Variants in KLF3 observed in about 807,000 individuals in gnomAD.
The protein encoded by KLF3 is Krueppel-like factor 3.
In KLF3, 6 loss-of-function variants were observed where a neutral mutation model predicts 32.7. The observed-to-expected ratio is 0.18, with a 90% CI of 0.10 to 0.36. The LOEUF is 0.36. KLF3 is among the 10% of genes least tolerant of loss of function. The probability of loss-of-function intolerance (pLI) is 1.00; values close to 1 mark genes in which losing one functional copy is unlikely to be tolerated. For synonymous variants in KLF3, 145 were observed against 172.8 expected (o/e 0.84, Z 1.26); for missense variants, 338 against 449.7 (o/e 0.75, Z 2.25).
At chr4:38,667,979 C>A (rs1722092968) in intron 1 of KLF3, among the ~76,000 whole-genome samples, 1 of 152,006 alleles carries the variant, frequency 6.6e-6, no homozygotes, top group South Asian at 2.1e-4. Context: ...GTTTTAAGGA[C>A]AAAGATTTCA....
At chr4:38,690,492 T>C (rs1238046675) in intron 4 of KLF3, 1 of 152,292 alleles carries the variant, frequency 6.6e-6, no homozygotes, top group Non-Finnish European at 1.5e-5. Flanking sequence ...TTGTAGTTGC[T>C]AAGAAGATGG....
intron 1 of KLF3, among the ~76,000 whole-genome samples, chr4:38,673,509 T>C (rs1722259072): frequency 6.6e-6 from 1 of 152,226 alleles, no homozygotes; most frequent in South Asian, 2.1e-4. Flanking sequence ...CAATTTATCT[T>C]GGGTTGCCTG....
At chr4:38,680,736 A>G (rs1247574604) in intron 2 of KLF3, 54 bp downstream of exon 2, 18 of 1,325,224 alleles carry the variant, frequency 1.4e-5, no homozygotes, top group Non-Finnish European at 1.9e-5. Flanking sequence ...TGATGATAAC[A>G]TTATTGTGTG....
chr4:38,691,391 GA>G (rs975333597), intron 4 of KLF3, among the ~76,000 whole-genome samples: 1 of 152,172 alleles, frequency 6.6e-6, no homozygotes, highest in African/African-American at 2.4e-5. Flanking sequence ...TATGTTGAGG[GA>G]TGTTTCTGGC....
Position 38,688,923 on chromosome 4 carries a change from G to A in KLF3, c.396G>A (p.Ser132=), listed in dbSNP as rs147620606. 3.5e-5 allele frequency: 56 copies of A among 1,614,082 alleles called. No individual in the cohort carries two copies. Among genetic ancestry groups the A allele is most frequent in the African/African-American group, 8.0e-5 (6 of 74,924 alleles). The change falls in exon 3 of 6, where the codon TCG becomes TCA. Residue 132 remains serine (S), a synonymous_variant. Transcript: ENST00000261438. The surrounding 1 kb of genome is among the most constrained non-coding windows in gnomAD (Gnocchi z 4.9). ...SMPPVMAAAL[S]RHGIRSPGIL... ...CACCAGTGATGGCAGCTGCCCTCTC[G>A]CGGCATGGAATACGGAGCCCGGGGA...
At chr4:38,683,561 T>G (rs1367759705) in intron 2 of KLF3, among the ~76,000 whole-genome samples, 1 of 151,578 alleles carries the variant, frequency 6.6e-6, no homozygotes, top group Non-Finnish European at 1.5e-5. Flanking sequence ...CTCCCCGAGC[T>G]TCTGTTTTTT....
rs1723115114 is a variant in KLF3, at chr4:38,698,529, T to C, written c.*1266T>C. The C allele has an allele frequency of 1.3e-5, 2 of 152,646 alleles. No individual in the cohort carries two copies. The highest frequency in any genetic ancestry group is 1.3e-4 in the Admixed American group (2 of 15,288). The allele number at this position is 152,646 out of a possible 1,614,324, so 9.5% of individuals were successfully genotyped here. ...AACTAGTTGTGAAGCACACATACCTTTATTTTGGGAATTTATGAGAAAATA... is the reference window on the plus strand; with the variant it reads ...AACTAGTTGTGAAGCACACATACCTCTATTTTGGGAATTTATGAGAAAATA... On this transcript the variant is annotated 3_prime_UTR_variant, in exon 6 of 6. Coordinates refer to ENST00000261438, the MANE Select transcript of KLF3 (RefSeq NM_016531.6).
chr4:38,677,298 G>T (rs947657762), intron 1 of KLF3, among the ~76,000 whole-genome samples: 1 of 152,108 alleles, frequency 6.6e-6, no homozygotes. Context: ...TTTCTCTTAG[G>T]ATTACAAGTC....
chr4:38,686,238 A>G (rs1270966034), intron 2 of KLF3, among the ~76,000 whole-genome samples: 1 of 152,108 alleles, frequency 6.6e-6, no homozygotes, highest in Non-Finnish European at 1.5e-5. Context: ...TGAGCCCAAG[A>G]GTACGAGACC....
chr4:38,686,605 C>G lies in KLF3; in HGVS notation c.58-1980C>G, dbSNP rs532824383. Among the ~76,000 whole-genome samples the G allele has an allele frequency of 1.9e-3, 295 of 152,176 alleles. 2 individuals carry two copies. The highest frequency in any genetic ancestry group is 3.7e-3 in the African/African-American group (153 of 41,494). On this transcript the variant is annotated intron_variant, in intron 2 of 5. Coordinates refer to ENST00000261438, the MANE Select transcript of KLF3 (RefSeq NM_016531.6). ...CGGTAATTCAAAATTTGCATTTTAA[C>G]GAGTGCTCCAGGGAGATGGATGTGC...
rs147925268 is a variant in KLF3, at chr4:38,686,551, G to C, written c.58-2034G>C. On this transcript the variant is annotated intron_variant, in intron 2 of 5. Transcript: ENST00000261438. ...TCATTTAGAGCATTGCTATTCAAAA[G>C]GTAGCCTAAGTTCCCTTGGTCCACT... Among the ~76,000 whole-genome samples the C allele has an allele frequency of 8.6e-3, 1,312 of 151,690 alleles. 8 individuals are homozygous for C. The highest frequency in any genetic ancestry group is 0.027 in the South Asian group (128 of 4,784).
At chr4:38,677,708 A>T (rs337616) in intron 1 of KLF3, among the ~76,000 whole-genome samples, 131,607 of 152,242 alleles carry the variant, frequency 0.86, 57,496 homozygotes, top group African/African-American at 0.97. Context: ...GAATCTAGTC[A>T]GAGTTTTATT....
At chr4:38,693,095 T>C (rs1722926217) in intron 4 of KLF3, among the ~76,000 whole-genome samples, 1 of 112,214 alleles carries the variant, frequency 8.9e-6, no homozygotes, top group African/African-American at 3.2e-5. Context: ...TATACACGTA[T>C]ATATATATGT....
chr4:38,686,932 C>T (rs1722720547), intron 2 of KLF3, among the ~76,000 whole-genome samples: 1 of 152,160 alleles, frequency 6.6e-6, no homozygotes, highest in Non-Finnish European at 1.5e-5. Context: ...AATGCATAAC[C>T]AGCCGAGGAT....
At chr4:38,686,453 A>AG (rs1560417780) in intron 2 of KLF3, among the ~76,000 whole-genome samples, 1 of 150,956 alleles carries the variant, frequency 6.6e-6, no homozygotes, top group Non-Finnish European at 1.5e-5. Context: ...CAAAAAAAAA[A>AG]AAAAAAAAAA....
At chr4:38,676,424 G>C (rs1236002327) in intron 1 of KLF3, among the ~76,000 whole-genome samples, 1 of 152,202 alleles carries the variant, frequency 6.6e-6, no homozygotes, top group Non-Finnish European at 1.5e-5. Context: ...CTGGGTGACA[G>C]AGTGGGACTC....
At chr4:38,689,630 T>G in intron 3 of KLF3, 99 bp from the exon 4 acceptor site, 1 of 825,730 alleles carries the variant, frequency 1.2e-6, no homozygotes, top group Non-Finnish European at 1.9e-6. Flanking sequence ...CAAATAAACC[T>G]GTCATATCTG....
chr4:38,682,866 T>C (rs1315986476), intron 2 of KLF3, among the ~76,000 whole-genome samples: 2 of 152,254 alleles, frequency 1.3e-5, no homozygotes, highest in Non-Finnish European at 2.9e-5. Context: ...CTTTTAGAAT[T>C]TAGTTTCACC....
chr4:38,692,397 T>G (rs1722900787), intron 4 of KLF3, among the ~76,000 whole-genome samples: 1 of 152,196 alleles, frequency 6.6e-6, no homozygotes, highest in Admixed American at 6.5e-5. Context: ...CAAGCAGAGA[T>G]ATCCTGGTTT....
Sources: gnomAD v4.1 joint callset for allele counts (sites outside exome capture counted in the v4.1 genomes callset) on GRCh38, gnomAD v4.1.1 for gene constraint, Gnocchi (gnomAD v3.1) non-coding constraint, MANE v1.5 for transcripts, NCBI Gene and HGNC (gene_info 2026-07-23, HGNC 2026-07-21) for gene names.